CXADR: variants seen among roughly 807,000 people sequenced by gnomAD.
CXADR encodes the protein CXADR cell adhesion molecule, also known as coxsackievirus and adenovirus receptor.
Under a neutral mutation model 40.3 loss-of-function variants are expected in CXADR, and 20 were observed. The observed-to-expected ratio is 0.50, with a 90% CI of 0.35 to 0.72. The LOEUF (loss-of-function observed/expected upper bound fraction) is 0.72, where lower values mean the gene tolerates loss of function less well. CXADR is among the 30% of genes least tolerant of loss of function. The pLI is 0.01. For missense variants in CXADR, 332 were observed against 449.1 expected, an observed-to-expected ratio of 0.74 and a Z score of 2.36; for synonymous variants, 150 against 161.3, an observed-to-expected ratio of 0.93 and a Z score of 0.53.
At chr21:17,602,548 TA>T in the CXADR span, among the ~76,000 whole-genome samples, 1 of 152,210 alleles carries the variant, frequency 6.6e-6, no homozygotes, top group South Asian at 2.1e-4. Flanking sequence ...CCACCTCTAC[TA>T]AACGATTAAT....
rs1330922666 is a variant in CXADR at position 17,534,008 on chromosome 21, ATATATATATATATATATATAGC to A, written c.44-13002_44-12981del. On this transcript the variant is annotated intron_variant, in intron 1 of 6. Coordinates refer to ENST00000284878, the MANE Select transcript of CXADR (RefSeq NM_001338.5). ...CTGTATTTTCTTCTCTTTCTCAGCA[ATATATATATATATATATATAGC>A]TATATATATATATATACACATATAT... Among the ~76,000 whole-genome samples, 7 of 25,500 alleles carry A rather than the reference ATATATATATATATATATATAGC, an allele frequency of 2.7e-4. No homozygotes were observed. In the East Asian group the frequency reaches 7.8e-3, roughly 28 times the overall value. 16.7% of individuals were successfully genotyped at this position (25,500 alleles called of 152,430 possible). A position where few individuals can be genotyped will look rare whatever the true frequency, so the allele number is the denominator to read the frequency against.
chr21:17,552,855 T>C (rs2060986674), intron 3 of CXADR, among the ~76,000 whole-genome samples: 1 of 152,160 alleles, frequency 6.6e-6, no homozygotes, highest in Admixed American at 6.5e-5. Flanking sequence ...ATTCCTTCTG[T>C]TTAGAGAACT....
Position 17,569,382 on chromosome 21 carries a change from A to C in CXADR, c.*3690A>C. 1 of 980,166 alleles carries C rather than the reference A, an allele frequency of 1.0e-6. No individual in the cohort carries two copies. The highest frequency in any genetic ancestry group is 1.2e-6 in the Non-Finnish European group (1 of 825,958). The allele number at this position is 980,166 out of a possible 1,614,324, so 60.7% of individuals were successfully genotyped here. ...CATTATATATTATATATATATATGT[A>C]CATATATCTTTATAACATTCCTGTG... On this transcript the variant is annotated 3_prime_UTR_variant, in exon 7 of 7. Transcript: ENST00000284878.
chr21:17,577,869 C>T (rs952885471), intron 7 of CXADR, among the ~76,000 whole-genome samples: 1 of 151,944 alleles, frequency 6.6e-6, no homozygotes, highest in African/African-American at 2.4e-5. Flanking sequence ...TTTTATATAC[C>T]TCATAAAAGT....
rs71333559 is a variant in CXADR at position 17,568,557 on chromosome 21, CTTT to C, written c.*2880_*2882del. 5.5e-4 allele frequency: 482 copies of C among 874,566 alleles called. No homozygotes were observed. Among genetic ancestry groups the C allele is most frequent in the Middle Eastern group, 1.7e-3 (3 of 1,734 alleles). The allele number at this position is 874,566 out of a possible 1,614,324, so 54.2% of individuals were successfully genotyped here. ...TTACTGTAGAATATATAGTTCTGTA[CTTT>C]TTTTTTTTTTTTTTAAGAGATAGGG... On this transcript the variant is annotated 3_prime_UTR_variant, in exon 7 of 7. Transcript: ENST00000284878.
downstream of CXADR, chr21:17,593,966 A>G (rs1306538690): frequency 3.6e-6 from 4 of 1,123,472 alleles, no homozygotes; most frequent in Non-Finnish European, 4.9e-6. Context: ...TAACTTCTAT[A>G]AAAATAAGTT....
At chr21:17,611,386 G>C in the CXADR span, among the ~76,000 whole-genome samples, 2 of 152,160 alleles carry the variant, frequency 1.3e-5, no homozygotes, top group African/African-American at 2.4e-5. Context: ...GTTTCTGTTT[G>C]CTCTGCTTCA....
At chr21:17,555,477 A>G (rs2061022534) in intron 3 of CXADR, among the ~76,000 whole-genome samples, 1 of 152,266 alleles carries the variant, frequency 6.6e-6, no homozygotes, top group African/African-American at 2.4e-5. Context: ...AACATCTTAC[A>G]AAATCATATT....
chr21:17,594,443 A>G, downstream of CXADR: 4 of 1,228,618 alleles, frequency 3.3e-6, no homozygotes, highest in East Asian at 9.7e-5. Context: ...GATCACATCT[A>G]AGTGACACTC....
chr21:17,583,464 C>T (rs976488119), intron 7 of CXADR, among the ~76,000 whole-genome samples: 1 of 152,136 alleles, frequency 6.6e-6, no homozygotes, highest in Admixed American at 6.5e-5. Flanking sequence ...AAGAGATTAA[C>T]TTGGGGTGGT....
rs2737869 is a variant in CXADR at position 17,564,456 on chromosome 21, G to A, written c.834-972G>A. The stretch of plus-strand genomic sequence containing the variant: ...ATACTATGTAAATAATTGTTATAAT[G>A]TATTGTTTAGGGAATAATGACAAGA... On this transcript the variant is annotated intron_variant, in intron 6 of 6. Coordinates refer to ENST00000284878, the MANE Select transcript of CXADR (RefSeq NM_001338.5). 7.2e-3 allele frequency among the ~76,000 whole-genome samples: 1,096 copies of A among 151,934 alleles called. 16 individuals are homozygous for A. Among genetic ancestry groups the A allele is most frequent in the African/African-American group, 0.022 (926 of 41,438 alleles).
intron 7 of CXADR, among the ~76,000 whole-genome samples, chr21:17,579,531 G>A (rs1306968152): frequency 6.6e-6 from 1 of 152,184 alleles, no homozygotes; most frequent in African/African-American, 2.4e-5. Flanking sequence ...TGATCTGCCT[G>A]CCTTGGCCTC....
At chr21:17,533,803 T>G (rs1221330049) in intron 1 of CXADR, among the ~76,000 whole-genome samples, 1 of 151,874 alleles carries the variant, frequency 6.6e-6, no homozygotes, top group Non-Finnish European at 1.5e-5. Flanking sequence ...GGAATTGATA[T>G]TTGAAAAGTA....
chr21:17,590,436 A>G (rs111918481), intron 7 of CXADR, among the ~76,000 whole-genome samples: 2 of 152,210 alleles, frequency 1.3e-5, no homozygotes, highest in East Asian at 3.9e-4. Flanking sequence ...ACAAAGGAAC[A>G]TAGAAGATGG....
chr21:17,519,043 C>T (rs2060496115), intron 1 of CXADR: 8 of 1,311,472 alleles, frequency 6.1e-6, no homozygotes, highest in Non-Finnish European at 8.8e-6. Flanking sequence ...CAGCACGCGG[C>T]AAGAGCAAGA....
chr21:17,563,940 C>CAAAAAAAAAAAAAAAAAAAA (rs35020228), intron 6 of CXADR, among the ~76,000 whole-genome samples: 587 of 37,186 alleles, frequency 0.016, 81 homozygotes, highest in Middle Eastern at 0.088. Context: ...GACTCTGTCT[C>CAAAAAAAAAAAAAAAAAAAA]AAAAAAAAAA....
chr21:17,622,259 G>A, the CXADR span, among the ~76,000 whole-genome samples: 19 of 152,082 alleles, frequency 1.2e-4, no homozygotes, highest in East Asian at 5.8e-4. Context: ...AAATGTTACC[G>A]TAAAGAGCTT....
rs953080748 is a variant in CXADR at position 17,519,610 on chromosome 21, G to A, written c.43+6438G>A. Among the ~76,000 whole-genome samples, 7 of 152,106 alleles carry A rather than the reference G, an allele frequency of 4.6e-5. No homozygotes were observed. The East Asian group carries it at 7.7e-4, about 17-fold the overall frequency. On this transcript the variant is annotated intron_variant, in intron 1 of 6. Coordinates refer to ENST00000284878, the MANE Select transcript of CXADR (RefSeq NM_001338.5). ...GTTCTTTCCCACCCTGTTGACCTGC[G>A]CTTTACTGTCTTCTAAAATAGGTCC... is the stretch of plus-strand genomic sequence containing the variant.
At chr21:17,539,211 G>T (rs921925847) in intron 1 of CXADR, among the ~76,000 whole-genome samples, 3 of 152,146 alleles carry the variant, frequency 2.0e-5, no homozygotes, top group Non-Finnish European at 4.4e-5. Flanking sequence ...CAAACAGTTT[G>T]ATCAAACATC....
Sources: allele counts gnomAD v4.1 joint callset (sites outside exome capture counted in the v4.1 genomes callset), GRCh38; gene constraint gnomAD v4.1.1; transcripts MANE v1.5; gene names NCBI Gene and HGNC (gene_info 2026-07-23, HGNC 2026-07-21).